The following EPHB6 variants were observed in gnomAD, a reference collection of about 807,000 sequenced individuals.
EPHB6 encodes the protein EPH receptor B6, also known as ephrin type-B receptor 6.
A neutral mutation model predicts 107.0 loss-of-function variants in EPHB6; 51 were observed. That is an observed-to-expected ratio of 0.48 (90% confidence interval 0.38 to 0.60). The LOEUF (loss-of-function observed/expected upper bound fraction) is 0.60, where lower values mean the gene tolerates loss of function less well. Ranked by LOEUF, EPHB6 falls within the 20% of genes least tolerant of loss-of-function variation. The probability of loss-of-function intolerance (pLI) is 0.00; values close to 1 mark genes in which losing one functional copy is unlikely to be tolerated. For missense variants in EPHB6, 1,141 were observed against 1,355.5 expected (o/e 0.84, Z 2.48); for synonymous variants, 553 against 549.0 (o/e 1.01, Z -0.10).
Position 142,866,561 on chromosome 7 carries a change from A to G in EPHB6, c.1543A>G (p.Thr515Ala). Residue 515 changes from threonine (T) to alanine (A), a missense_variant, in exon 10 of 20, where the codon ACC (threonine) becomes GCC (alanine). Physicochemically the swap from Thr to Ala is moderately conservative, Grantham distance 58 (BLOSUM62 0). Around this residue, in one of 3 missense-constraint regions of EPHB6, gnomAD observed 616 missense variants for 759.3 expected, o/e 0.81. Transcript: ENST00000652003. The surrounding 1 kb of genome is among the most constrained non-coding windows in gnomAD (Gnocchi z 5.2). ...ITVSWPQPDQ[T>A]NGNILDYQLR... Reference sequence around the variant, plus strand: ...GGTGTCCTGGCCGCAGCCCGACCAGACCAATGGGAACATCCTGGACTATCA... The same window carrying G: ...GGTGTCCTGGCCGCAGCCCGACCAGGCCAATGGGAACATCCTGGACTATCA... The G allele has an allele frequency of 6.2e-7, 1 of 1,614,114 alleles. No homozygotes were observed.
At position 142,867,213 on chromosome 7, in the gene EPHB6, A is replaced by G; in HGVS notation, c.1750+145A>G. On this transcript the variant is annotated intron_variant, in intron 11 of 19. Transcript: ENST00000652003. This position sits in a 1 kb window ranked among gnomAD's most constrained non-coding sequence, Gnocchi z 5.3. ...GAAAGGAGAGTGCCTTTTGCTCAGC[A>G]GCTGACCTAGGGGCTACTCGGGGAG... is the stretch of plus-strand genomic sequence containing the variant. The G allele has an allele frequency of 9.6e-7, 1 of 1,040,086 alleles. No homozygotes were observed. Among genetic ancestry groups the G allele is most frequent in the Non-Finnish European group, 1.4e-6 (1 of 728,052 alleles). The allele number at this position is 1,040,086 out of a possible 1,614,324, so 64.4% of individuals were successfully genotyped here. A position where few individuals can be genotyped will look rare whatever the true frequency, so the allele number is the denominator to read the frequency against.
Position 142,867,613 on chromosome 7 carries a change from C to G in EPHB6, c.1756C>G (p.Leu586Val), listed in dbSNP as rs1026873721. ...CCTGTCGGCTGGTCCCCCAGGGGAG[C>G]TGTCTTCCCAGCTTCCAGAAAGACT... ...VYFQTLPQGE[L>V]SSQLPERLSL... Residue 586 changes from leucine to valine, a missense_variant, in exon 12 of 20, where the codon CTG becomes GTG. By Grantham distance (32) the Leu-to-Val change is conservative. Transcript: ENST00000652003. This position sits in a 1 kb window ranked among gnomAD's most constrained non-coding sequence, Gnocchi z 5.3. The G allele has an allele frequency of 6.2e-7, 1 of 1,611,778 alleles. No individual in the cohort carries two copies. The highest frequency in any genetic ancestry group is 1.3e-5 in the African/African-American group (1 of 74,892).
rs532151609 is a variant in EPHB6 at position 142,870,197 on chromosome 7, C to A, written c.2611-17C>A. ...TAACAAAACTTCCCATCGTCATAGT[C>A]TTCCTCTGACCCCCAGGTACTAAAT... On this transcript the variant is annotated splice_polypyrimidine_tract_variant and intron_variant, in intron 17 of 19. Transcript: ENST00000652003. 8.7e-6 allele frequency: 14 copies of A among 1,614,054 alleles called. No homozygotes were observed. Among genetic ancestry groups the A allele is most frequent in the African/African-American group, 8.0e-5 (6 of 75,046 alleles).
rs1265067381 is a variant in EPHB6 at position 142,870,384 on chromosome 7, G to T, written c.2781G>T (p.Gln927His). 2 of 1,614,198 alleles carry T rather than the reference G, an allele frequency of 1.2e-6. No individual in the cohort carries two copies. The highest frequency in any genetic ancestry group is 3.3e-5 in the Admixed American group (2 of 60,034). ...TGATCCGCAAGCCAGATACCCTGCA[G>T]GCTGGCGGGGACCCAGGGGAAAGGT... ...DKMIRKPDTL[Q>H]AGGDPGERPS... Residue 927 changes from glutamine (Q) to histidine (H), a missense_variant, in exon 18 of 20, where the codon CAG (glutamine) becomes CAT (histidine). This residue lies in a region of EPHB6 where 616 missense variants were observed against 759.3 expected (regional missense o/e 0.81). Coordinates refer to ENST00000652003, the MANE Select transcript of EPHB6 (RefSeq NM_004445.6).
At chr7:142,860,652 C>T (rs1278302985) in intron 1 of EPHB6, among the ~76,000 whole-genome samples, 2 of 152,176 alleles carry the variant, frequency 1.3e-5, no homozygotes, top group Non-Finnish European at 2.9e-5. Context: ...TGGAAATGCT[C>T]CTTACTTGTC....
chr7:142,869,542 T>C lies in EPHB6; in HGVS notation c.2461-275T>C, dbSNP rs889249998. ...TTCTGCTTCTGTGAAATGGAGATAA[T>C]ATCATCCACCTTGGAGGGTTGTTAT... is the stretch of plus-strand genomic sequence containing the variant. On this transcript the variant is annotated intron_variant, in intron 16 of 19. Coordinates refer to ENST00000652003, the MANE Select transcript of EPHB6 (RefSeq NM_004445.6). The surrounding 1 kb of genome is among the most constrained non-coding windows in gnomAD (Gnocchi z 4.5). 6.2e-4 allele frequency among the ~76,000 whole-genome samples: 94 copies of C among 152,206 alleles called. No individual in the cohort carries two copies. The highest frequency in any genetic ancestry group is 2.1e-3 in the Admixed American group (32 of 15,280).
chr7:142,866,819 T>A lies in EPHB6; in HGVS notation c.1588-87T>A. The A allele has an allele frequency of 1.2e-6, 2 of 1,604,406 alleles. No individual in the cohort carries two copies. Among genetic ancestry groups the A allele is most frequent in the South Asian group, 2.2e-5 (2 of 90,836 alleles). On this transcript the variant is annotated intron_variant, in intron 10 of 19. Coordinates refer to ENST00000652003, the MANE Select transcript of EPHB6 (RefSeq NM_004445.6). The surrounding 1 kb of genome is among the most constrained non-coding windows in gnomAD (Gnocchi z 5.2). Reference sequence around the variant, plus strand: ...ACTGGGCATGTGTCTGAGAGCCCTGTCAACCAGGGAGGGTGGCTGGGGGCC... The same window carrying A: ...ACTGGGCATGTGTCTGAGAGCCCTGACAACCAGGGAGGGTGGCTGGGGGCC...
chr7:142,864,599 G>C lies in EPHB6; in HGVS notation c.799G>C (p.Ala267Pro). Residue 267 changes from alanine to proline, a missense_variant, in exon 7 of 20, where the codon GCA (alanine) becomes CCA (proline). Physicochemically the swap from Ala to Pro is conservative, Grantham distance 27. This residue lies in a region of EPHB6 where 304 missense variants were observed against 295.7 expected (regional missense o/e 1.03). Transcript: ENST00000652003. ...AGCTGTGGGCACCTGTGTGGCTCATGCAGAGCCAGAGGAGGATGGAGTAGG... is the reference window on the plus strand; with the variant it reads ...AGCTGTGGGCACCTGTGTGGCTCATCCAGAGCCAGAGGAGGATGGAGTAGG... ...VAAVGTCVAH[A>P]EPEEDGVGGQ... The C allele has an allele frequency of 6.2e-7, 1 of 1,612,906 alleles. No individual in the cohort carries two copies. The highest frequency in any genetic ancestry group is 8.5e-7 in the Non-Finnish European group (1 of 1,179,838).
At chr7:142,863,803 GATCCCTCCCTC>G (rs1802972725) in intron 6 of EPHB6, 108 bp downstream of exon 6, 3 of 1,488,502 alleles carry the variant, frequency 2.0e-6, no homozygotes, top group African/African-American at 2.8e-5. Flanking sequence ...ATGGGAAAAG[GATCCCTCCCTC>G]TAGAGCACCA....
At chr7:142,862,528 C>T (rs146773429) in intron 3 of EPHB6, among the ~76,000 whole-genome samples, 71 of 152,290 alleles carry the variant, frequency 4.7e-4, no homozygotes, top group African/African-American at 1.7e-3. Context: ...AATCTTCATG[C>T]CTGTGTTCTT....
At position 142,870,793 on chromosome 7, in the gene EPHB6, C is replaced by A. The variant is rs764637449; in HGVS notation, c.2961-3C>A. The A allele has an allele frequency of 6.2e-7, 1 of 1,614,178 alleles. No individual in the cohort carries two copies. Among genetic ancestry groups the A allele is most frequent in the East Asian group, 2.2e-5 (1 of 44,874 alleles). Reference sequence around the variant, plus strand: ...CAGATTTGATCCCTTCCCTCCCCACCAGAGACCTGCCTGCCCTGGGCATCA... The same window carrying A: ...CAGATTTGATCCCTTCCCTCCCCACAAGAGACCTGCCTGCCCTGGGCATCA... On this transcript the variant is annotated splice_region_variant and splice_polypyrimidine_tract_variant and intron_variant, in intron 19 of 19. Coordinates refer to ENST00000652003, the MANE Select transcript of EPHB6 (RefSeq NM_004445.6).
chr7:142,870,878 A>G lies in EPHB6; in HGVS notation c.3043A>G (p.Arg1015Gly). Reference sequence around the variant, plus strand: ...CATCCAGCTCCTTCAGCAACACCTGAGGCAGCAGGGCTCAGTGGAGGTCTG... The same window carrying G: ...CATCCAGCTCCTTCAGCAACACCTGGGGCAGCAGGGCTCAGTGGAGGTCTG... Reference protein sequence around the residue: ...HHIQLLQQHLRQQGSVEV With the variant: ...HHIQLLQQHLGQQGSVEV Residue 1015 changes from arginine to glycine, a missense_variant, in exon 20 of 20, where the codon AGG becomes GGG. Transcript: ENST00000652003. 6.2e-7 allele frequency: 1 copy of G among 1,613,870 alleles called. No homozygotes were observed. Among genetic ancestry groups the G allele is most frequent in the Non-Finnish European group, 8.5e-7 (1 of 1,179,944 alleles).
rs888357435 is a variant in EPHB6, at chr7:142,867,821, C to G, written c.1865+99C>G. ...TGGAGCCCCCTGCAGAAACCTCACA[C>G]TGGTGCTCCTCCCGTCAGCCAGCCC... On this transcript the variant is annotated intron_variant, in intron 12 of 19. Transcript: ENST00000652003. The surrounding 1 kb of genome is among the most constrained non-coding windows in gnomAD (Gnocchi z 5.3). 4 of 1,423,278 alleles carry G rather than the reference C, an allele frequency of 2.8e-6. No individual in the cohort carries two copies. The highest frequency in any genetic ancestry group is 1.2e-5 in the South Asian group (1 of 81,578). The allele number at this position is 1,423,278 out of a possible 1,614,324, so 88.2% of individuals were successfully genotyped here.
At position 142,869,116 on chromosome 7, in the gene EPHB6, G is replaced by A. The variant is rs2116478124; in HGVS notation, c.2429G>A (p.Cys810Tyr). ...HSVLVNSHLV[C>Y]KVARLGHSPQ... ...GTGCTGGTGAATAGCCACTTGGTGT[G>A]CAAGGTGGCCCGTCTTGGCCACAGT... is the stretch of plus-strand genomic sequence containing the variant. The change falls in exon 16 of 20, where the codon TGC (cysteine) becomes TAC (tyrosine). Residue 810 changes from cysteine to tyrosine, a missense_variant. Cys to Tyr is a radical substitution (Grantham distance 194). Coordinates refer to ENST00000652003, the MANE Select transcript of EPHB6 (RefSeq NM_004445.6). The surrounding 1 kb of genome is among the most constrained non-coding windows in gnomAD (Gnocchi z 4.5). 1.2e-6 allele frequency: 2 copies of A among 1,613,620 alleles called. No homozygotes were observed. Among genetic ancestry groups the A allele is most frequent in the Non-Finnish European group, 1.7e-6 (2 of 1,179,950 alleles).
In EPHB6 at chr7:142,865,489, C is replaced by G. The variant is rs755047357; in HGVS notation, c.964C>G (p.Leu322Val). The change falls in exon 8 of 20, where the codon CTC (leucine) becomes GTC (valine). Residue 322 changes from leucine to valine, a missense_variant. Transcript: ENST00000652003. ...TGCCTCCTCAGCCTGCCCACGGGGG[C>G]TCTATAAGGCTTCTGCTGGGAATGC... ...DKACQACPRG[L>V]YKASAGNAPC... 1 of 1,613,312 alleles carries G rather than the reference C, an allele frequency of 6.2e-7. No homozygotes were observed. The highest frequency in any genetic ancestry group is 1.1e-5 in the South Asian group (1 of 91,062).
chr7:142,866,920 C>T lies in EPHB6; in HGVS notation c.1602C>T (p.Ser534=), dbSNP rs151016022. 915 of 1,613,454 alleles carry T rather than the reference C, an allele frequency of 5.7e-4. No individual in the cohort carries two copies. Among genetic ancestry groups the T allele is most frequent in the Non-Finnish European group, 7.1e-4 (834 of 1,179,800 alleles). The change falls in exon 11 of 20, where the codon TCC becomes TCT. Residue 534 remains serine (S), a synonymous_variant. Coordinates refer to ENST00000652003, the MANE Select transcript of EPHB6 (RefSeq NM_004445.6). The surrounding 1 kb of genome is among the most constrained non-coding windows in gnomAD (Gnocchi z 5.2). The part of the protein sequence containing the change: ...LRYYDQAEDE[S]HSFTLTSETN... ...GTTACCCCCAGGCAGAAGACGAATC[C>T]CACTCCTTCACCCTGACCAGCGAGA...
Position 142,866,620 on chromosome 7 carries a change from T to C in EPHB6, c.1587+15T>C. 1 of 1,611,996 alleles carries C rather than the reference T, an allele frequency of 6.2e-7. No homozygotes were observed. The highest frequency in any genetic ancestry group is 1.1e-5 in the South Asian group (1 of 90,948). ...ACTATGACCAGGTGCGCAGGAGGAG[T>C]GGGGGTTCCGCAGTAGGGCTGGTAG... is the stretch of plus-strand genomic sequence containing the variant. On this transcript the variant is annotated intron_variant, in intron 10 of 19. Transcript: ENST00000652003. The surrounding 1 kb of genome is among the most constrained non-coding windows in gnomAD (Gnocchi z 5.2).
chr7:142,856,090 T>A (rs1802597186), intron 1 of EPHB6, among the ~76,000 whole-genome samples: 1 of 152,148 alleles, frequency 6.6e-6, no homozygotes, highest in South Asian at 2.1e-4. Flanking sequence ...AGCATAGCAA[T>A]GTTGTAATGT....
Position 142,868,245 on chromosome 7 carries a change from C to T in EPHB6, c.1923C>T (p.Leu641=), listed in dbSNP as rs377257395. The T allele has an allele frequency of 9.3e-6, 15 of 1,614,028 alleles. No individual in the cohort carries two copies. In the East Asian group the frequency reaches 1.8e-4, roughly 19 times the overall value. Residue 641 remains leucine (L), a synonymous_variant, in exon 14 of 20, where the codon CTC becomes CTT. Transcript: ENST00000652003. This position sits in a 1 kb window ranked among gnomAD's most constrained non-coding sequence, Gnocchi z 4.2. Reference sequence around the variant, plus strand: ...ACATACTCCACACCCCTCCAGGACTCGGGGTGAAGTATTACATCGACCCCT... The same window carrying T: ...ACATACTCCACACCCCTCCAGGACTTGGGGTGAAGTATTACATCGACCCCT... ...EQLQQYSSPG[L]GVKYYIDPST...
Sources: allele counts gnomAD v4.1 joint callset (sites outside exome capture counted in the v4.1 genomes callset), GRCh38; gene constraint gnomAD v4.1.1; regional missense constraint gnomAD v4.1.1; non-coding constraint Gnocchi (gnomAD v3.1); transcripts MANE v1.5; gene names NCBI Gene and HGNC (gene_info 2026-07-23, HGNC 2026-07-21).